MOCS2: variants seen among roughly 807,000 people sequenced by gnomAD.
MOCS2 encodes the protein molybdopterin synthase catalytic subunit.
Under a neutral mutation model 21.9 loss-of-function variants are expected in MOCS2, and 13 were observed. That is an observed-to-expected ratio of 0.59 (90% CI 0.39 to 0.94). The LOEUF is 0.94. Among genes scored for constraint, MOCS2 ranks in the 40% least tolerant of loss-of-function variants. The pLI is 0.00. For missense variants in MOCS2, 227 were observed against 218.3 expected (o/e 1.04, Z -0.25); for synonymous variants, 92 against 80.8 (o/e 1.14, Z -0.74).
chr5:53,098,492 A>C lies in MOCS2; in HGVS notation c.*110T>G. 22 of 924,760 alleles carry C rather than the reference A, an allele frequency of 2.4e-5. No individual in the cohort carries two copies. The highest frequency in any genetic ancestry group is 5.0e-5 in the East Asian group (2 of 40,216). 57.3% of individuals were successfully genotyped at this position (924,760 alleles called of 1,614,324 possible). On this transcript the variant is annotated 3_prime_UTR_variant, in exon 7 of 7. Coordinates refer to ENST00000396954, the MANE Select transcript of MOCS2 (RefSeq NM_004531.5). ...TTCTCCCTTTTGTCCCACTAGTATA[A>C]GAGATTGTGCTTCAGTAAACTATCC...
intron 3 of MOCS2, among the ~76,000 whole-genome samples, chr5:53,104,085 C>T (rs571161765): frequency 6.6e-6 from 1 of 152,320 alleles, no homozygotes; most frequent in East Asian, 1.9e-4. Flanking sequence ...AAGGAACTCA[C>T]TCAAGGTGCT....
chr5:53,101,130 C>A (rs1740896198), intron 5 of MOCS2: 3 of 586,172 alleles, frequency 5.1e-6, no homozygotes, highest in Middle Eastern at 4.6e-4. Context: ...AGTCTTGGCA[C>A]AACTGCAGTT....
At chr5:53,104,362 A>G (rs896307068) in intron 3 of MOCS2, among the ~76,000 whole-genome samples, 3 of 152,238 alleles carry the variant, frequency 2.0e-5, no homozygotes, top group African/African-American at 7.2e-5. Flanking sequence ...TTAAAAATGC[A>G]TAATACCAGT....
chr5:53,107,112 G>T lies in MOCS2; in HGVS notation c.63C>A (p.Pro21=). ...FSLETKLPLS[P]PLVEDSAFEP... is the part of the protein sequence containing the mutation. ...CAAAAGCACTATCCTCCACTAATGGGGGGGATAACGGCAATTTCGTCTCCA... is the reference window on the plus strand; with the variant it reads ...CAAAAGCACTATCCTCCACTAATGGTGGGGATAACGGCAATTTCGTCTCCA... The change falls in exon 3 of 7, where the codon CCC becomes CCA. Residue 21 remains proline, a synonymous_variant. Coordinates refer to ENST00000396954, the MANE Select transcript of MOCS2 (RefSeq NM_004531.5). 5.0e-6 allele frequency: 8 copies of T among 1,614,110 alleles called. No homozygotes were observed. Among genetic ancestry groups the T allele is most frequent in the East Asian group, 2.2e-5 (1 of 44,870 alleles).
Position 53,095,702 on chromosome 5 carries a change from T to G in MOCS2, c.*2900A>C, listed in dbSNP as rs116368818. 2 of 152,038 alleles carry G rather than the reference T, an allele frequency of 1.3e-5. No homozygotes were observed. Among genetic ancestry groups the G allele is most frequent in the African/African-American group, 2.4e-5 (1 of 41,420 alleles). The allele number at this position is 152,038 out of a possible 1,614,324, so 9.4% of individuals were successfully genotyped here. On this transcript the variant is annotated 3_prime_UTR_variant, in exon 7 of 7. Coordinates refer to ENST00000396954, the MANE Select transcript of MOCS2 (RefSeq NM_004531.5). ...TGTTAGAGAAAGAGAGCACTAAGTT[T>G]TATTTCTTTGTTTTTCACAGAGCAG...
chr5:53,102,044 G>T, intron 4 of MOCS2, 53 bp downstream of exon 4: 1 of 1,575,132 alleles, frequency 6.3e-7, no homozygotes, highest in Non-Finnish European at 8.7e-7. Context: ...GAAAGCACAT[G>T]CTAATTTCTA....
At chr5:53,105,245 A>G (rs917263545) in intron 3 of MOCS2, among the ~76,000 whole-genome samples, 4 of 152,096 alleles carry the variant, frequency 2.6e-5, no homozygotes, top group African/African-American at 9.7e-5. Flanking sequence ...ATATGAGTTC[A>G]AATGCTGTCT....
In MOCS2 at chr5:53,109,405, T is replaced by C. The variant is rs545585782; in HGVS notation, c.-324A>G. On this transcript the variant is annotated 5_prime_UTR_variant, in exon 1 of 7. Coordinates refer to ENST00000396954, the MANE Select transcript of MOCS2 (RefSeq NM_004531.5). ...AAAATTTTAGCTTCATCAAAACGAA[T>C]AATCTGGGAAAGAGGTGGTCATAAA... The C allele has an allele frequency of 4.1e-4, 508 of 1,225,952 alleles. No homozygotes were observed. The highest frequency in any genetic ancestry group is 5.1e-4 in the Non-Finnish European group (497 of 983,206). The allele number at this position is 1,225,952 out of a possible 1,614,324, so 75.9% of individuals were successfully genotyped here.
At chr5:53,106,952 G>T in intron 3 of MOCS2, 125 bp downstream of exon 3, 2 of 1,006,670 alleles carry the variant, frequency 2.0e-6, no homozygotes, top group Non-Finnish European at 2.9e-6. Context: ...AAGAGTTGCT[G>T]CATCAATAAA....
chr5:53,098,682 C>T lies in MOCS2; in HGVS notation c.502-15G>A, dbSNP rs575030858. 6.3e-7 allele frequency: 1 copy of T among 1,580,874 alleles called. No individual in the cohort carries two copies. Among genetic ancestry groups the T allele is most frequent in the African/African-American group, 1.3e-5 (1 of 74,354 alleles). ...TCGTATATTTCCTAAAAAACAAAAT[C>T]ATAACAGGTATTAAAAATAGACCAT... On this transcript the variant is annotated splice_polypyrimidine_tract_variant and intron_variant, in intron 6 of 6. Transcript: ENST00000396954.
chr5:53,099,149 T>C (rs150083111), intron 6 of MOCS2, among the ~76,000 whole-genome samples: 1 of 152,248 alleles, frequency 6.6e-6, no homozygotes, highest in Non-Finnish European at 1.5e-5. Context: ...CTTCTCACTC[T>C]CTAGTCACAT....
intron 5 of MOCS2, 24 bp downstream of exon 5, chr5:53,101,335 T>C: frequency 6.2e-7 from 1 of 1,611,120 alleles, no homozygotes; most frequent in Non-Finnish European, 8.5e-7. Context: ...CACTTAACTT[T>C]TAGAGTGATA....
In MOCS2 at chr5:53,108,662, C is replaced by A. The variant is rs765384784; in HGVS notation, c.-169-19G>T. 3 of 1,610,078 alleles carry A rather than the reference C, an allele frequency of 1.9e-6. No homozygotes were observed. Among genetic ancestry groups the A allele is most frequent in the Admixed American group, 1.7e-5 (1 of 59,386 alleles). On this transcript the variant is annotated intron_variant, in intron 1 of 6. Transcript: ENST00000396954. ...CTTCAACCTGAAAGTAAAGAAAATG[C>A]TTTTAATAACAACTCATACTCGTTT...
chr5:53,102,584 G>A (rs1579933511), intron 3 of MOCS2, among the ~76,000 whole-genome samples: 1 of 141,036 alleles, frequency 7.1e-6, no homozygotes, highest in African/African-American at 2.6e-5. Context: ...ACTATAGGGT[G>A]GGTACAAGTT....
In MOCS2 at chr5:53,098,374, A is replaced by C; in HGVS notation, c.*228T>G. Reference sequence around the variant, plus strand: ...CCACAGATATCTTTCCTCACATTTAAATTATTCCATTTCTTCCTACAGTCC... The same window carrying C: ...CCACAGATATCTTTCCTCACATTTACATTATTCCATTTCTTCCTACAGTCC... On this transcript the variant is annotated 3_prime_UTR_variant, in exon 7 of 7. Transcript: ENST00000396954. The C allele has an allele frequency of 3.5e-6, 2 of 567,448 alleles. No individual in the cohort carries two copies. The highest frequency in any genetic ancestry group is 4.2e-5 in the South Asian group (2 of 47,342). The allele number at this position is 567,448 out of a possible 1,614,324, so 35.2% of individuals were successfully genotyped here. A position where few individuals can be genotyped will look rare whatever the true frequency, so the allele number is the denominator to read the frequency against.
At chr5:53,106,450 A>G (rs1741051616) in intron 3 of MOCS2, among the ~76,000 whole-genome samples, 1 of 152,352 alleles carries the variant, frequency 6.6e-6, no homozygotes, top group South Asian at 2.1e-4. Context: ...ATGCGGGAAC[A>G]GAAAACCAAA....
chr5:53,101,466 T>C lies in MOCS2; in HGVS notation c.270A>G (p.Leu90=), dbSNP rs780627249. Residue 90 remains leucine, a synonymous_variant, in exon 5 of 7, where the codon TTA becomes TTG. Transcript: ENST00000396954. ...NNFEGKKVIS[L]EYEAYLPMAE... is the part of the protein sequence containing the mutation. Reference sequence around the variant, plus strand: ...CCATGGGTAGATATGCTTCATATTCTAAGCTAATGACTTTTTTCCCTTCAA... The same window carrying C: ...CCATGGGTAGATATGCTTCATATTCCAAGCTAATGACTTTTTTCCCTTCAA... The C allele has an allele frequency of 6.2e-7, 1 of 1,611,990 alleles. No homozygotes were observed. The highest frequency in any genetic ancestry group is 2.2e-5 in the East Asian group (1 of 44,842).
chr5:53,109,642 G>T lies in MOCS2; in HGVS notation c.-561C>A. On this transcript the variant is annotated 5_prime_UTR_variant, in exon 1 of 7. Transcript: ENST00000396954. ...ACTGACCAAGGCTGGGTATGTGGAG[G>T]GAAAGGGCGGGAGAGACACGTCGAG... 18 of 1,546,128 alleles carry T rather than the reference G, an allele frequency of 1.2e-5. No homozygotes were observed. The highest frequency in any genetic ancestry group is 1.5e-5 in the Non-Finnish European group (17 of 1,144,902).
chr5:53,103,228 C>T (rs1031079141), intron 3 of MOCS2, among the ~76,000 whole-genome samples: 2 of 151,972 alleles, frequency 1.3e-5, no homozygotes, highest in African/African-American at 4.8e-5. Context: ...AAAAGTAATC[C>T]ATTATTAACA....
Sources: gnomAD v4.1 joint callset for allele counts (sites outside exome capture counted in the v4.1 genomes callset) on GRCh38, gnomAD v4.1.1 for gene constraint, MANE v1.5 for transcripts, NCBI Gene and HGNC (gene_info 2026-07-23, HGNC 2026-07-21) for gene names.